Variants in FAM171A1 observed in about 807,000 individuals in gnomAD.
FAM171A1 encodes the protein protein FAM171A1.
In FAM171A1, 23 loss-of-function variants were observed where a neutral mutation model predicts 74.9. That is an observed-to-expected ratio of 0.31 (90% CI 0.22 to 0.44). FAM171A1 has a LOEUF of 0.44. FAM171A1 is among the 20% of genes least tolerant of loss of function. FAM171A1 has a pLI of 1.00. For missense variants in FAM171A1, 1,162 were observed against 1,159.2 expected (o/e 1.00, Z -0.03); for synonymous variants, 527 against 505.7 (o/e 1.04, Z -0.57).
chr10:15,278,661 G>A (rs11259593), intron 2 of FAM171A1, among the ~76,000 whole-genome samples: 8,928 of 152,246 alleles, frequency 0.059, 495 homozygotes, highest in African/African-American at 0.14. Context: ...AAAAAGCCAC[G>A]TATTCCAAGA....
chr10:15,224,612 G>A (rs1190481716), intron 5 of FAM171A1, among the ~76,000 whole-genome samples: 3 of 152,128 alleles, frequency 2.0e-5, no homozygotes, highest in South Asian at 2.1e-4. Context: ...TGCTGTTCTT[G>A]TGATAGTGAA....
chr10:15,240,871 C>T (rs1834355615), intron 5 of FAM171A1: 1 of 295,014 alleles, frequency 3.4e-6, no homozygotes, highest in South Asian at 1.3e-4. Flanking sequence ...AAGACCCTAT[C>T]TCTACAAAAA....
intron 6 of FAM171A1, among the ~76,000 whole-genome samples, chr10:15,218,122 C>T (rs1268642655): frequency 6.6e-6 from 1 of 152,070 alleles, no homozygotes; most frequent in Non-Finnish European, 1.5e-5. Context: ...CTCTATCATT[C>T]AGGCTGGAGT....
chr10:15,269,989 C>T (rs547168169), intron 3 of FAM171A1, among the ~76,000 whole-genome samples: 5 of 152,172 alleles, frequency 3.3e-5, no homozygotes, highest in Non-Finnish European at 5.9e-5. Context: ...ATGCAGAAGA[C>T]GGGTGATTTC....
At chr10:15,220,909 G>A (rs768979658) in intron 6 of FAM171A1, 35 bp downstream of exon 6, 1 of 1,522,294 alleles carries the variant, frequency 6.6e-7, no homozygotes, top group African/African-American at 1.4e-5. Flanking sequence ...CAAAGCAACT[G>A]ATCCGCATCA....
chr10:15,277,961 G>A (rs186914653), intron 2 of FAM171A1, among the ~76,000 whole-genome samples: 1 of 152,228 alleles, frequency 6.6e-6, no homozygotes, highest in Admixed American at 6.5e-5. Context: ...TCGTCACATT[G>A]GCCAGGCTGG....
chr10:15,243,204 G>A (rs572321303), intron 5 of FAM171A1, among the ~76,000 whole-genome samples: 1 of 152,118 alleles, frequency 6.6e-6, no homozygotes, highest in Admixed American at 6.5e-5. Context: ...AAAGTGCATG[G>A]CTCCGGCCTG....
At chr10:15,342,376 C>T (rs529411757) in intron 1 of FAM171A1, among the ~76,000 whole-genome samples, 1 of 152,294 alleles carries the variant, frequency 6.6e-6, no homozygotes, top group East Asian at 1.9e-4. Context: ...TCGAGACCAG[C>T]CTGGCCAATA....
chr10:15,264,585 G>C (rs1022680931), intron 3 of FAM171A1, among the ~76,000 whole-genome samples: 16 of 151,450 alleles, frequency 1.1e-4, no homozygotes, highest in Non-Finnish European at 1.8e-4. Context: ...AGGAACTTGA[G>C]ACTAACCTGG....
At chr10:15,371,408 C>T (rs1836147373), upstream of FAM171A1, among the ~76,000 whole-genome samples, 1 of 148,440 alleles carries the variant, frequency 6.7e-6, no homozygotes, top group African/African-American at 2.4e-5. Context: ...CTGCGTCGCG[C>T]CCCCAGCCCG....
At chr10:15,278,685 G>T (rs1159384568) in intron 2 of FAM171A1, among the ~76,000 whole-genome samples, 1 of 152,130 alleles carries the variant, frequency 6.6e-6, no homozygotes, top group East Asian at 1.9e-4. Flanking sequence ...CAGTTCTATG[G>T]GATGTGCAGA....
chr10:15,268,516 A>T (rs982662640), intron 3 of FAM171A1, among the ~76,000 whole-genome samples: 9 of 152,092 alleles, frequency 5.9e-5, no homozygotes, highest in African/African-American at 2.2e-4. Flanking sequence ...CGGGAAGGCC[A>T]AAAATATCAA....
chr10:15,223,142 C>A (rs991360574), intron 5 of FAM171A1, among the ~76,000 whole-genome samples: 1 of 152,062 alleles, frequency 6.6e-6, no homozygotes, highest in Non-Finnish European at 1.5e-5. Flanking sequence ...GAGTTCGAGA[C>A]CAGCCTGGGC....
chr10:15,348,138 C>A (rs776836753), intron 1 of FAM171A1, among the ~76,000 whole-genome samples: 2 of 150,564 alleles, frequency 1.3e-5, no homozygotes, highest in South Asian at 2.1e-4. Flanking sequence ...CCACCATTCC[C>A]GGCTAATTTT....
At chr10:15,361,633 A>G (rs1835995882) in intron 1 of FAM171A1, among the ~76,000 whole-genome samples, 1 of 152,128 alleles carries the variant, frequency 6.6e-6, no homozygotes, top group Non-Finnish European at 1.5e-5. Flanking sequence ...CAGTGAGCCG[A>G]GATTATGCCA....
intron 3 of FAM171A1, among the ~76,000 whole-genome samples, chr10:15,259,261 G>C (rs991277502): frequency 6.6e-6 from 1 of 152,104 alleles, no homozygotes; most frequent in African/African-American, 2.4e-5. Context: ...ATCCAACAGC[G>C]TATGTTACCT....
chr10:15,222,949 G>A (rs368295762), intron 5 of FAM171A1, among the ~76,000 whole-genome samples: 1 of 152,244 alleles, frequency 6.6e-6, no homozygotes, highest in African/African-American at 2.4e-5. Flanking sequence ...AGGGATGCCC[G>A]GTTCTGGTCC....
At chr10:15,228,877 G>A (rs764296630) in intron 5 of FAM171A1, among the ~76,000 whole-genome samples, 1 of 152,178 alleles carries the variant, frequency 6.6e-6, no homozygotes, top group Non-Finnish European at 1.5e-5. Context: ...TGAACCACTG[G>A]TGCAATCCTA....
chr10:15,323,814 T>C (rs1835517141), intron 1 of FAM171A1, among the ~76,000 whole-genome samples: 1 of 151,908 alleles, frequency 6.6e-6, no homozygotes, highest in African/African-American at 2.4e-5. Flanking sequence ...AGGATTGCAG[T>C]GCCATACAGT....
Sources: allele counts gnomAD v4.1 joint callset (sites outside exome capture counted in the v4.1 genomes callset), GRCh38; gene constraint gnomAD v4.1.1; transcripts MANE v1.5; gene names NCBI Gene and HGNC (gene_info 2026-07-23, HGNC 2026-07-21).